The following NCOA5 variants were observed in gnomAD, a reference collection of about 807,000 sequenced individuals.
NCOA5 encodes nuclear receptor coactivator 5, also known as NCoA-5.
Under a neutral mutation model 59.0 loss-of-function variants are expected in NCOA5, and 12 were observed. That is an observed-to-expected ratio of 0.20 (90% CI 0.13 to 0.33). The LOEUF is 0.33. Ranked by LOEUF, NCOA5 falls within the 10% of genes least tolerant of loss-of-function variation. The probability of loss-of-function intolerance (pLI) is 1.00; values close to 1 mark genes in which losing one functional copy is unlikely to be tolerated. For synonymous variants in NCOA5, 270 were observed against 275.5 expected (o/e 0.98, Z 0.20); for missense variants, 655 against 766.6 (o/e 0.85, Z 1.72).
chr20:46,074,174 CCAAA>C (rs981580422), intron 2 of NCOA5, among the ~76,000 whole-genome samples: 16 of 152,112 alleles, frequency 1.1e-4, no homozygotes, highest in African/African-American at 3.9e-4. Context: ...GCTTTAGGAC[CCAAA>C]CAAAGAACTC....
chr20:46,079,680 C>T (rs531772179), intron 1 of NCOA5, among the ~76,000 whole-genome samples: 3 of 152,290 alleles, frequency 2.0e-5, no homozygotes, highest in South Asian at 2.1e-4. Flanking sequence ...CTAGTTAACA[C>T]GTAATTTGTC....
intron 1 of NCOA5, among the ~76,000 whole-genome samples, chr20:46,082,122 C>T (rs2084998175): frequency 6.6e-6 from 1 of 152,038 alleles, no homozygotes; most frequent in African/African-American, 2.4e-5. Context: ...AATGCTAAAG[C>T]ACCAACTCAC....
At chr20:46,085,083 T>C (rs1351895424) in intron 1 of NCOA5, among the ~76,000 whole-genome samples, 3 of 152,308 alleles carry the variant, frequency 2.0e-5, no homozygotes, top group East Asian at 3.9e-4. Context: ...CAGGCTGGAG[T>C]GCAGTGGCTC....
At chr20:46,064,986 T>TAA in intron 6 of NCOA5, 43 bp downstream of exon 6, 1 of 1,602,648 alleles carries the variant, frequency 6.2e-7, no homozygotes, top group East Asian at 2.2e-5. Flanking sequence ...CATAAAGGAC[T>TAA]AATAATGGAC....
At position 46,062,399 on chromosome 20, in the gene NCOA5, C is replaced by T. The variant is rs2145518142; in HGVS notation, c.1641G>A (p.Leu547=). Residue 547 remains leucine, a synonymous_variant, in exon 8 of 8, where the codon CTG becomes CTA. Coordinates refer to ENST00000290231, the MANE Select transcript of NCOA5 (RefSeq NM_020967.3). ...NPSVQKALDT[L]IQSGPALSHL... is the part of the protein sequence containing the mutation. ...GGGAGAGAGCAGGGCCACTCTGGAT[C>T]AGGGTATCCAGAGCCTTCTGTACAC... 1 of 1,614,108 alleles carries T rather than the reference C, an allele frequency of 6.2e-7. No individual in the cohort carries two copies. The highest frequency in any genetic ancestry group is 1.7e-4 in the Middle Eastern group (1 of 6,052).
intron 3 of NCOA5, among the ~76,000 whole-genome samples, chr20:46,069,760 G>A (rs2084862336): frequency 6.6e-6 from 1 of 151,842 alleles, no homozygotes; most frequent in Non-Finnish European, 1.5e-5. Flanking sequence ...CCATTAATCT[G>A]CTGATAGACA....
intron 7 of NCOA5, 105 bp from the exon 8 acceptor site, chr20:46,062,994 A>G (rs1161585891): frequency 3.2e-6 from 3 of 947,600 alleles, no homozygotes; most frequent in African/African-American, 1.7e-5. Context: ...TCAATCATAC[A>G]GTACACAGAC....
intron 1 of NCOA5, among the ~76,000 whole-genome samples, chr20:46,082,394 CTGGACATCAGA>C (rs1255485828): frequency 2.6e-5 from 4 of 152,148 alleles, no homozygotes; most frequent in African/African-American, 9.7e-5. Flanking sequence ...GGAGATCTTT[CTGGACATCAGA>C]TGGGGAACTC....
chr20:46,086,357 C>G (rs908677009), intron 1 of NCOA5, among the ~76,000 whole-genome samples: 1 of 152,180 alleles, frequency 6.6e-6, no homozygotes, highest in Admixed American at 6.5e-5. Flanking sequence ...GACCTATTAT[C>G]TCTTTTTTTA....
At chr20:46,084,115 A>G (rs1331648106) in intron 1 of NCOA5, among the ~76,000 whole-genome samples, 1 of 152,226 alleles carries the variant, frequency 6.6e-6, no homozygotes, top group Non-Finnish European at 1.5e-5. Context: ...GAGCCTGTGT[A>G]CTAAGAACAT....
intron 1 of NCOA5, among the ~76,000 whole-genome samples, chr20:46,081,482 G>C (rs1600632137): frequency 6.6e-6 from 1 of 151,992 alleles, no homozygotes; most frequent in East Asian, 1.9e-4. Context: ...TGAAGCTGGT[G>C]GAATCGTTTT....
At chr20:46,066,900 A>C (rs1218545444) in intron 5 of NCOA5, among the ~76,000 whole-genome samples, 155 bp downstream of exon 5, 1 of 152,174 alleles carries the variant, frequency 6.6e-6, no homozygotes, top group African/African-American at 2.4e-5. Flanking sequence ...ATTTGAATTG[A>C]GTTTTCTGTC....
chr20:46,087,176 C>T (rs1305497578), intron 1 of NCOA5, among the ~76,000 whole-genome samples: 3 of 152,170 alleles, frequency 2.0e-5, no homozygotes, highest in African/African-American at 7.2e-5. Flanking sequence ...CATTACTACA[C>T]TAAGAGTAAC....
At chr20:46,077,027 C>T (rs1271985478) in intron 2 of NCOA5, among the ~76,000 whole-genome samples, 3 of 152,284 alleles carry the variant, frequency 2.0e-5, no homozygotes, top group South Asian at 2.1e-4. Flanking sequence ...GTGATTCTCC[C>T]GCTTCAATGC....
chr20:46,079,665 G>A (rs1191433886), intron 1 of NCOA5, among the ~76,000 whole-genome samples: 4 of 152,118 alleles, frequency 2.6e-5, no homozygotes, highest in Non-Finnish European at 5.9e-5. Context: ...ATGTCCCTTC[G>A]TTTTCTAGTT....
rs956454073 is a variant in NCOA5, at chr20:46,064,190, T to C, written c.830-510A>G. Among the ~76,000 whole-genome samples the C allele has an allele frequency of 3.3e-5, 5 of 152,300 alleles. No homozygotes were observed. The East Asian group carries it at 9.6e-4, about 29-fold the overall frequency. The stretch of plus-strand genomic sequence containing the variant: ...CTCCTCTCCTCACCCATGGGCAACA[T>C]GGTTTACTGGGTAGTGAGAGGACTC... On this transcript the variant is annotated intron_variant, in intron 6 of 7. Transcript: ENST00000290231.
chr20:46,089,365 G>T (rs1406150672), intron 1 of NCOA5, among the ~76,000 whole-genome samples: 2 of 152,254 alleles, frequency 1.3e-5, no homozygotes, highest in African/African-American at 4.8e-5. Context: ...GGCGCTGCAC[G>T]CCTGGAGAAC....
intron 3 of NCOA5, 24 bp downstream of exon 3, chr20:46,070,183 AAAC>A: frequency 6.4e-7 from 1 of 1,573,738 alleles, no homozygotes; most frequent in Middle Eastern, 1.7e-4. Flanking sequence ...ACTCAGGAAA[AAAC>A]AAGCAGAGTA....
chr20:46,062,215 C>T lies in NCOA5; in HGVS notation c.*85G>A, dbSNP rs964115343. The T allele has an allele frequency of 1.0e-4, 107 of 1,058,462 alleles. No homozygotes were observed. Among genetic ancestry groups the T allele is most frequent in the Non-Finnish European group, 1.3e-4 (94 of 739,826 alleles). The allele number at this position is 1,058,462 out of a possible 1,614,324, so 65.6% of individuals were successfully genotyped here. On this transcript the variant is annotated 3_prime_UTR_variant, in exon 8 of 8. Transcript: ENST00000290231. ...GATGCCGGCCTGGGAGCGCAGAGAACATCCTCCAAACAGCTCTATTTAGAA... is the reference window on the plus strand; with the variant it reads ...GATGCCGGCCTGGGAGCGCAGAGAATATCCTCCAAACAGCTCTATTTAGAA...
Sources: allele counts gnomAD v4.1 joint callset (sites outside exome capture counted in the v4.1 genomes callset), GRCh38; gene constraint gnomAD v4.1.1; transcripts MANE v1.5; gene names NCBI Gene and HGNC (gene_info 2026-07-23, HGNC 2026-07-21).